Variants in NRG3 observed in about 807,000 individuals in gnomAD.
NRG3 encodes the protein neuregulin 3.
A neutral mutation model predicts 66.9 loss-of-function variants in NRG3; 31 were observed. The observed-to-expected ratio is 0.46, with a 90% CI of 0.35 to 0.63. The LOEUF is 0.63. Among genes scored for constraint, NRG3 ranks in the 20% least tolerant of loss-of-function variants. NRG3 has a pLI of 0.00. For missense variants in NRG3, 910 were observed against 878.9 expected (o/e 1.04, Z -0.45); for synonymous variants, 393 against 359.4 (o/e 1.09, Z -1.06).
rs976786681 is a variant in NRG3, at chr10:82,865,533, G to A, written c.1054+96G>A. ...TTCTCCATCTGGTTATAATTGAAATGTCTCATTATCAGATGCTATTAGTAG... is the reference window on the plus strand; with the variant it reads ...TTCTCCATCTGGTTATAATTGAAATATCTCATTATCAGATGCTATTAGTAG... On this transcript the variant is annotated intron_variant, in intron 4 of 8. Transcript: ENST00000372141. 7.8e-6 allele frequency: 10 copies of A among 1,282,840 alleles called. No homozygotes were observed. The African/African-American group carries it at 1.2e-4, about 15-fold the overall frequency. 79.5% of individuals were successfully genotyped at this position (1,282,840 alleles called of 1,614,324 possible).
At chr10:82,335,551 A>G (rs2082345179) in intron 1 of NRG3, among the ~76,000 whole-genome samples, 1 of 152,126 alleles carries the variant, frequency 6.6e-6, no homozygotes, top group Admixed American at 6.5e-5. Flanking sequence ...AGGCTATGGC[A>G]GGGGATCACT....
intron 2 of NRG3, among the ~76,000 whole-genome samples, chr10:82,633,700 G>A (rs1262475886): frequency 6.6e-6 from 1 of 152,144 alleles, no homozygotes; most frequent in Non-Finnish European, 1.5e-5. Context: ...CTGTTCCAGC[G>A]AGCTCTGTTT....
intron 2 of NRG3, among the ~76,000 whole-genome samples, chr10:82,479,885 G>A (rs1240972293): frequency 6.6e-6 from 1 of 151,974 alleles, no homozygotes; most frequent in Non-Finnish European, 1.5e-5. Context: ...GGAGAATGGC[G>A]TGAACCTGGA....
At chr10:82,946,222 A>C (rs915258510) in intron 4 of NRG3, among the ~76,000 whole-genome samples, 1 of 151,458 alleles carries the variant, frequency 6.6e-6, no homozygotes, top group African/African-American at 2.4e-5. Context: ...AAAAAAAAAA[A>C]AAAAAAGTGG....
Position 82,334,151 on chromosome 10 carries a change from A to AAG in NRG3, c.824-24587_824-24586insGA, listed in dbSNP as rs1554887424. Among the ~76,000 whole-genome samples the AAG allele has an allele frequency of 5.4e-3, 788 of 144,608 alleles. 5 individuals carry two copies. Among genetic ancestry groups the AAG allele is most frequent in the Middle Eastern group, 0.014 (4 of 280 alleles). 94.9% of individuals were successfully genotyped at this position (144,608 alleles called of 152,430 possible). A position where few individuals can be genotyped will look rare whatever the true frequency, so the allele number is the denominator to read the frequency against. On this transcript the variant is annotated intron_variant, in intron 1 of 8. Transcript: ENST00000372141. Reference sequence around the variant, plus strand: ...CATGGCGTCTCAAAAAAAAAAAAAAAAAAAGAAAAGAAAAAGGGATGGGCC... The same window carrying AAG: ...CATGGCGTCTCAAAAAAAAAAAAAAAAGAAAAGAAAAGAAAAAGGGATGGGCC...
intron 6 of NRG3, among the ~76,000 whole-genome samples, chr10:82,972,356 G>A (rs1010979037): frequency 3.3e-5 from 5 of 151,810 alleles, no homozygotes; most frequent in Non-Finnish European, 7.4e-5. Flanking sequence ...CTCTTTTTAT[G>A]TTCTTTTTCT....
intron 2 of NRG3, among the ~76,000 whole-genome samples, chr10:82,722,356 C>T (rs370225706): frequency 1.1e-4 from 17 of 152,042 alleles, no homozygotes; most frequent in Non-Finnish European, 1.6e-4. Context: ...GTCTAAGATA[C>T]GCTATAATAT....
chr10:82,950,493 A>G (rs1592065031), intron 4 of NRG3, among the ~76,000 whole-genome samples: 1 of 152,306 alleles, frequency 6.6e-6, no homozygotes, highest in East Asian at 1.9e-4. Flanking sequence ...GCCCAGTGGT[A>G]CAGTTTTCTT....
chr10:81,886,479 C>T (rs181333684), intron 1 of NRG3, among the ~76,000 whole-genome samples: 22 of 152,112 alleles, frequency 1.4e-4, no homozygotes, highest in Admixed American at 1.0e-3. Flanking sequence ...AGAAGTTTAA[C>T]GAGAATATAT....
chr10:82,838,612 C>T, intron 3 of NRG3, among the ~76,000 whole-genome samples: 1 of 151,730 alleles, frequency 6.6e-6, no homozygotes, highest in Non-Finnish European at 1.5e-5. Flanking sequence ...TGAATTTGTT[C>T]TTTATATGAA....
intron 2 of NRG3, among the ~76,000 whole-genome samples, chr10:82,727,674 C>T (rs1390127506): frequency 1.3e-5 from 2 of 152,220 alleles, no homozygotes; most frequent in Admixed American, 6.5e-5. Flanking sequence ...GAGGCCTTCA[C>T]ACAGAGTCCC....
At chr10:82,398,217 AAG>A (rs1204154040) in intron 2 of NRG3, among the ~76,000 whole-genome samples, 2 of 152,172 alleles carry the variant, frequency 1.3e-5, no homozygotes, top group Non-Finnish European at 2.9e-5. Context: ...AGTCCTGTGA[AAG>A]AGCTAGACTA....
intron 4 of NRG3, among the ~76,000 whole-genome samples, chr10:82,950,100 A>T (rs1406286105): frequency 6.6e-6 from 1 of 152,142 alleles, no homozygotes; most frequent in African/African-American, 2.4e-5. Context: ...GATCTACTAA[A>T]TCAGTAACTC....
intron 3 of NRG3, among the ~76,000 whole-genome samples, chr10:82,764,633 C>T (rs1320451349): frequency 4.0e-5 from 6 of 151,788 alleles, no homozygotes; most frequent in Non-Finnish European, 7.4e-5. Context: ...AAAGTGCTCC[C>T]AAAGTACTCC....
At chr10:82,919,013 C>G (rs1312678554) in intron 4 of NRG3, among the ~76,000 whole-genome samples, 2 of 151,866 alleles carry the variant, frequency 1.3e-5, no homozygotes, top group Admixed American at 6.6e-5. Flanking sequence ...AAACCAATCA[C>G]TGGGCCCCAG....
At chr10:82,078,953 G>A (rs1456487465) in intron 1 of NRG3, among the ~76,000 whole-genome samples, 1 of 152,070 alleles carries the variant, frequency 6.6e-6, no homozygotes, top group East Asian at 1.9e-4. Flanking sequence ...AAACAGTGGT[G>A]CACTCATCAA....
At chr10:82,841,091 G>A (rs2063033580) in intron 3 of NRG3, among the ~76,000 whole-genome samples, 1 of 152,140 alleles carries the variant, frequency 6.6e-6, no homozygotes, top group Admixed American at 6.6e-5. Flanking sequence ...ACACAGAGAA[G>A]AAGTTCATGG....
chr10:82,074,903 G>A (rs931804531), intron 1 of NRG3, among the ~76,000 whole-genome samples: 4 of 152,126 alleles, frequency 2.6e-5, no homozygotes, highest in African/African-American at 4.8e-5. Context: ...CCTCCAATAT[G>A]ACTTTATCAA....
At chr10:81,986,098 C>G (rs2133518677) in intron 1 of NRG3, among the ~76,000 whole-genome samples, 1 of 152,176 alleles carries the variant, frequency 6.6e-6, no homozygotes, top group East Asian at 1.9e-4. Context: ...AAAGAAAGGG[C>G]ACAGTTTATT....
Sources: gnomAD v4.1 joint callset for allele counts (sites outside exome capture counted in the v4.1 genomes callset) on GRCh38, gnomAD v4.1.1 for gene constraint, MANE v1.5 for transcripts, NCBI Gene and HGNC (gene_info 2026-07-23, HGNC 2026-07-21) for gene names.